Variants in NKAIN3 observed in about 807,000 individuals in gnomAD.
The protein encoded by NKAIN3 is sodium/potassium transporting ATPase interacting 3.
In NKAIN3, 25 loss-of-function variants were observed where a neutral mutation model predicts 30.2. The ratio of observed to expected loss-of-function variants is 0.83; its 90% CI spans 0.60 to 1.16. The LOEUF is 1.16. Among genes scored for constraint, NKAIN3 ranks in the 50% most tolerant of loss-of-function variants. The pLI, the probability that NKAIN3 is intolerant of heterozygous loss-of-function variation, is 0.00. For synonymous variants in NKAIN3, 91 were observed against 89.6 expected (o/e 1.02, Z -0.09); for missense variants, 225 against 254.1 (o/e 0.89, Z 0.78).
intron 1 of NKAIN3, among the ~76,000 whole-genome samples, chr8:62,258,651 C>T (rs1457520859): frequency 6.6e-6 from 1 of 151,514 alleles, no homozygotes; most frequent in East Asian, 1.9e-4. Context: ...CAGAGTGAGA[C>T]ACTGTCTAAA....
chr8:62,922,073 C>T (rs1822297106), intron 5 of NKAIN3, among the ~76,000 whole-genome samples: 1 of 152,154 alleles, frequency 6.6e-6, no homozygotes, highest in African/African-American at 2.4e-5. Flanking sequence ...ATTGAAAACC[C>T]TAACAGTTTT....
downstream of NKAIN3, among the ~76,000 whole-genome samples, chr8:62,986,716 T>C (rs1051734310): frequency 1.3e-5 from 2 of 152,206 alleles, no homozygotes; most frequent in African/African-American, 2.4e-5. Context: ...CTTTATTAAA[T>C]AGTCTCTTCA....
chr8:62,900,677 G>A (rs1414432126), intron 4 of NKAIN3, among the ~76,000 whole-genome samples: 1 of 152,202 alleles, frequency 6.6e-6, no homozygotes, highest in Non-Finnish European at 1.5e-5. Context: ...CTAAGCACTA[G>A]ATATCCATTA....
At chr8:62,286,467 A>C (rs1813383373) in intron 1 of NKAIN3, among the ~76,000 whole-genome samples, 1 of 152,168 alleles carries the variant, frequency 6.6e-6, no homozygotes, top group Admixed American at 6.6e-5. Context: ...TTAATGAAGG[A>C]ATTCTCTGTG....
At chr8:62,731,333 T>C (rs1444259723) in intron 3 of NKAIN3, among the ~76,000 whole-genome samples, 1 of 152,000 alleles carries the variant, frequency 6.6e-6, no homozygotes, top group Admixed American at 6.6e-5. Context: ...TCAGTTTAAT[T>C]TCAATAATAC....
At chr8:62,616,090 T>G (rs1319243878) in intron 3 of NKAIN3, among the ~76,000 whole-genome samples, 1 of 152,154 alleles carries the variant, frequency 6.6e-6, no homozygotes, top group African/African-American at 2.4e-5. Flanking sequence ...TGAGAATAGG[T>G]TATGTGAAAA....
At chr8:62,456,791 A>G (rs1271721582) in intron 1 of NKAIN3, among the ~76,000 whole-genome samples, 1 of 152,224 alleles carries the variant, frequency 6.6e-6, no homozygotes, top group Non-Finnish European at 1.5e-5. Context: ...TGCAATCTTA[A>G]CCAAATTTTA....
intron 1 of NKAIN3, among the ~76,000 whole-genome samples, chr8:62,515,354 C>G (rs1022125814): frequency 2.0e-5 from 3 of 152,048 alleles, no homozygotes; most frequent in African/African-American, 7.2e-5. Context: ...TTTGTGATGC[C>G]TACTTGCAGT....
chr8:62,357,679 G>T (rs1585718593), intron 1 of NKAIN3, among the ~76,000 whole-genome samples: 1 of 152,052 alleles, frequency 6.6e-6, no homozygotes, highest in Non-Finnish European at 1.5e-5. Flanking sequence ...ATGGTCCAGA[G>T]GCTTCCTTTC....
chr8:62,340,001 T>G (rs1175984812), intron 1 of NKAIN3, among the ~76,000 whole-genome samples: 1 of 151,966 alleles, frequency 6.6e-6, no homozygotes, highest in African/African-American at 2.4e-5. Context: ...GTTTAATACC[T>G]TTTCCTCACC....
Position 62,553,424 on chromosome 8 carries a change from A to C in NKAIN3, c.55-26115A>C, listed in dbSNP as rs180959671. On this transcript the variant is annotated intron_variant, in intron 1 of 6. Coordinates refer to ENST00000623646, the MANE Select transcript of NKAIN3 (RefSeq NM_001304533.3). ...CTTATTTATATGCTATGCTATAAAA[A>C]TAGAAGCTGATCTAGGCCTTGGATT... is the stretch of plus-strand genomic sequence containing the variant. 3.7e-4 allele frequency among the ~76,000 whole-genome samples: 57 copies of C among 152,324 alleles called. No individual in the cohort carries two copies. In the East Asian group the frequency reaches 0.01, roughly 28 times the overall value.
intron 4 of NKAIN3, among the ~76,000 whole-genome samples, chr8:62,819,993 G>C (rs1198964472): frequency 6.6e-6 from 1 of 152,084 alleles, no homozygotes; most frequent in Non-Finnish European, 1.5e-5. Context: ...TTAACAAAAA[G>C]CTTATGTTAG....
chr8:62,907,903 G>T (rs13272107), intron 4 of NKAIN3, among the ~76,000 whole-genome samples: 1 of 152,174 alleles, frequency 6.6e-6, no homozygotes, highest in Non-Finnish European at 1.5e-5. Flanking sequence ...CACCACTGGG[G>T]CAATGCCTAG....
chr8:62,442,772 G>T (rs935363273), intron 1 of NKAIN3, among the ~76,000 whole-genome samples: 1 of 151,784 alleles, frequency 6.6e-6, no homozygotes, highest in East Asian at 1.9e-4. Context: ...TGATATATAG[G>T]TTTTTAATTG....
chr8:62,509,394 C>T (rs146417967), intron 1 of NKAIN3, among the ~76,000 whole-genome samples: 53 of 152,252 alleles, frequency 3.5e-4, no homozygotes, highest in African/African-American at 1.0e-3. Flanking sequence ...TAGTTCTTTT[C>T]CTCCTTTATC....
chr8:62,304,871 G>T lies in NKAIN3; in HGVS notation c.54+55744G>T, dbSNP rs76108914. On this transcript the variant is annotated intron_variant, in intron 1 of 6. Coordinates refer to ENST00000623646, the MANE Select transcript of NKAIN3 (RefSeq NM_001304533.3). Reference sequence around the variant, plus strand: ...CTACTCCATACTCAAGTGGAAAATCGATTTTGGGTGGACCAAATCTTGCAT... The same window carrying T: ...CTACTCCATACTCAAGTGGAAAATCTATTTTGGGTGGACCAAATCTTGCAT... 8.1e-3 allele frequency among the ~76,000 whole-genome samples: 1,224 copies of T among 150,496 alleles called. 105 individuals are homozygous for T. Among genetic ancestry groups the T allele is most frequent in the African/African-American group, 0.029 (1,165 of 39,930 alleles).
intron 4 of NKAIN3, among the ~76,000 whole-genome samples, chr8:62,858,878 G>T (rs557281374): frequency 6.6e-6 from 1 of 152,216 alleles, no homozygotes; most frequent in African/African-American, 2.4e-5. Flanking sequence ...GGCCAATGCT[G>T]CTTGGCTCCT....
intron 4 of NKAIN3, among the ~76,000 whole-genome samples, chr8:62,871,201 G>A (rs1820630979): frequency 6.6e-6 from 1 of 151,956 alleles, no homozygotes; most frequent in Non-Finnish European, 1.5e-5. Context: ...AAGAGTTTGA[G>A]ACCAGCCTGG....
rs141664215 is a variant in NKAIN3, at chr8:62,607,314, T to C, written c.273+17520T>C. Among the ~76,000 whole-genome samples the C allele has an allele frequency of 7.4e-4, 113 of 152,240 alleles. 1 individual carries two copies. The Middle Eastern group carries it at 0.02, about 27-fold the overall frequency. Reference sequence around the variant, plus strand: ...CTGATTTTCCCAGAGACCGTCTATATTTCTGCTGTGGAAGATCCCTGAATG... The same window carrying C: ...CTGATTTTCCCAGAGACCGTCTATACTTCTGCTGTGGAAGATCCCTGAATG... On this transcript the variant is annotated intron_variant, in intron 3 of 6. Transcript: ENST00000623646.
Sources: allele counts gnomAD v4.1 joint callset (sites outside exome capture counted in the v4.1 genomes callset), GRCh38; gene constraint gnomAD v4.1.1; transcripts MANE v1.5; gene names NCBI Gene and HGNC (gene_info 2026-07-23, HGNC 2026-07-21).